CPO: variants seen among roughly 807,000 people sequenced by gnomAD.
The protein encoded by CPO is carboxypeptidase O.
A neutral mutation model predicts 41.2 loss-of-function variants in CPO; 43 were observed. The observed-to-expected ratio is 1.04, with a 90% CI of 0.82 to 1.35. The LOEUF is 1.35. Ranked by LOEUF, CPO falls within the 40% of genes most tolerant of loss-of-function variation. The pLI is 0.00. For missense variants in CPO, 408 were observed against 451.7 expected, an observed-to-expected ratio of 0.90 and a Z score of 0.88; for synonymous variants, 178 against 162.7, an observed-to-expected ratio of 1.09 and a Z score of -0.72.
intron 2 of CPO, among the ~76,000 whole-genome samples, chr2:206,951,350 T>TACACAC (rs1693259789): frequency 1.3e-5 from 2 of 152,244 alleles, no homozygotes; most frequent in South Asian, 4.1e-4. Context: ...AATTAGCTTC[T>TACACAC]ACTTATGTAC....
intron 2 of CPO, among the ~76,000 whole-genome samples, chr2:206,952,349 G>A (rs921034729): frequency 2.0e-5 from 3 of 151,976 alleles, no homozygotes; most frequent in Non-Finnish European, 4.4e-5. Context: ...TCCTGACCTC[G>A]TGATCCACCC....
chr2:206,969,234 C>A lies in CPO; in HGVS notation c.923C>A (p.Thr308Lys). Reference sequence around the variant, plus strand: ...GACATTGGGATTCCCTTCTCATATACGTTTGAGCTGAGGGACAGTGGAACA... The same window carrying A: ...GACATTGGGATTCCCTTCTCATATAAGTTTGAGCTGAGGGACAGTGGAACA... Reference protein sequence around the residue: ...ARDIGIPFSYTFELRDSGTYG... With the variant: ...ARDIGIPFSYKFELRDSGTYG... The change falls in exon 9 of 9, where the codon ACG becomes AAG. Residue 308 changes from threonine to lysine, a missense_variant. Physicochemically the swap from Thr to Lys is moderately conservative, Grantham distance 78. Coordinates refer to ENST00000272852, the MANE Select transcript of CPO (RefSeq NM_173077.3). The A allele has an allele frequency of 2.5e-6, 4 of 1,614,102 alleles. No homozygotes were observed. Among genetic ancestry groups the A allele is most frequent in the Non-Finnish European group, 3.4e-6 (4 of 1,179,960 alleles).
In CPO at chr2:206,959,501, G is replaced by A. The variant is rs1574353933; in HGVS notation, c.373-130G>A. The stretch of plus-strand genomic sequence containing the variant: ...AACAACTACTGTAATAAGACACGGA[G>A]GAGGGCTTGGGGACTGGAGGGTGGA... On this transcript the variant is annotated intron_variant, in intron 4 of 8. Coordinates refer to ENST00000272852, the MANE Select transcript of CPO (RefSeq NM_173077.3). 20 of 597,188 alleles carry A rather than the reference G, an allele frequency of 3.3e-5. No individual in the cohort carries two copies. The East Asian group carries it at 5.6e-4, about 17-fold the overall frequency. The allele number at this position is 597,188 out of a possible 1,614,324, so 37.0% of individuals were successfully genotyped here. A position where few individuals can be genotyped will look rare whatever the true frequency, so the allele number is the denominator to read the frequency against.
intron 5 of CPO, 133 bp downstream of exon 5, chr2:206,959,874 T>C (rs1243036789): frequency 1.9e-6 from 1 of 519,008 alleles, no homozygotes; most frequent in Non-Finnish European, 3.5e-6. Context: ...CCATTTGGGA[T>C]AAAAATCAGC....
At chr2:206,941,702 ACT>A (rs1408026683) in intron 1 of CPO, among the ~76,000 whole-genome samples, 2 of 152,004 alleles carry the variant, frequency 1.3e-5, no homozygotes, top group Non-Finnish European at 1.5e-5. Flanking sequence ...CTTTTATGTA[ACT>A]CTCGCCAACT....
rs146064572 is a variant in CPO at position 206,949,906 on chromosome 2, G to C, written c.165+193G>C. On this transcript the variant is annotated intron_variant, in intron 2 of 8. Transcript: ENST00000272852. ...ACCACCATTGAAGCTGTAAAAGCTG[G>C]TGATATGAAATTTTAAAAAATTAAT... is the stretch of plus-strand genomic sequence containing the variant. Among the ~76,000 whole-genome samples the C allele has an allele frequency of 5.6e-3, 859 of 152,248 alleles. 6 individuals carry two copies. Among genetic ancestry groups the C allele is most frequent in the Admixed American group, 0.01 (153 of 15,292 alleles).
Position 206,955,463 on chromosome 2 carries a change from A to G in CPO, c.166A>G (p.Ile56Val). 1 of 1,592,394 alleles carries G rather than the reference A, an allele frequency of 6.3e-7. No homozygotes were observed. The highest frequency in any genetic ancestry group is 8.6e-7 in the Non-Finnish European group (1 of 1,160,122). The stretch of plus-strand genomic sequence containing the variant: ...CCACAGTCCTCCCTTGCTGTTTCAG[A>G]TCTATGAGTGGATGAGAGAGATCAG... ...SYNIYHPMGE[I>V]YEWMREISEK... is the part of the protein sequence containing the mutation. The change falls in exon 3 of 9, where the codon ATC becomes GTC. Residue 56 changes from isoleucine (I) to valine (V), a missense_variant and splice_region_variant. By Grantham distance (29) the Ile-to-Val change is conservative. Coordinates refer to ENST00000272852, the MANE Select transcript of CPO (RefSeq NM_173077.3).
chr2:206,958,249 G>A (rs529859043), intron 3 of CPO, 52 bp from the exon 4 acceptor site: 3 of 971,896 alleles, frequency 3.1e-6, no homozygotes, highest in Non-Finnish European at 3.1e-6. Context: ...TTGCACAGTG[G>A]CTTACAATAA....
chr2:206,955,392 G>A lies in CPO; in HGVS notation c.166-71G>A, dbSNP rs13420820. On this transcript the variant is annotated intron_variant, in intron 2 of 8. Transcript: ENST00000272852. Reference sequence around the variant, plus strand: ...AGAGTTCAATGTGTCAGTGAAAGAAGCAGTTATCTTAATCAGAGGCATGCA... The same window carrying A: ...AGAGTTCAATGTGTCAGTGAAAGAAACAGTTATCTTAATCAGAGGCATGCA... 11,275 of 865,226 alleles carry A rather than the reference G, an allele frequency of 0.013. 834 individuals are homozygous for A. In the African/African-American group the frequency reaches 0.16, roughly 12 times the overall value. 53.6% of individuals were successfully genotyped at this position (865,226 alleles called of 1,614,324 possible). A position where few individuals can be genotyped will look rare whatever the true frequency, so the allele number is the denominator to read the frequency against.
At position 206,962,626 on chromosome 2, in the gene CPO, G is replaced by A; in HGVS notation, c.777+12G>A. 6.2e-7 allele frequency: 1 copy of A among 1,605,568 alleles called. No individual in the cohort carries two copies. Reference sequence around the variant, plus strand: ...ACCACCCAGAAATGGTGAGTCCATAGCACCAAGGCCTCCAGAAAAACCTCA... The same window carrying A: ...ACCACCCAGAAATGGTGAGTCCATAACACCAAGGCCTCCAGAAAAACCTCA... On this transcript the variant is annotated intron_variant, in intron 7 of 8. Transcript: ENST00000272852.
intron 1 of CPO, among the ~76,000 whole-genome samples, chr2:206,942,936 C>T (rs895261870): frequency 6.6e-6 from 1 of 152,074 alleles, no homozygotes; most frequent in Non-Finnish European, 1.5e-5. Context: ...AATCCCAGAC[C>T]ATTCACTTTT....
In CPO at chr2:206,962,399, T is replaced by C. The variant is rs1195592600; in HGVS notation, c.575-13T>C. ...ATCATGCAGCCTTCTTTGTGGTTTC[T>C]TCCATATTCTAGGTATTGGTGCCTC... On this transcript the variant is annotated splice_polypyrimidine_tract_variant and intron_variant, in intron 6 of 8. Coordinates refer to ENST00000272852, the MANE Select transcript of CPO (RefSeq NM_173077.3). The C allele has an allele frequency of 3.7e-6, 6 of 1,612,586 alleles. No individual in the cohort carries two copies. In the African/African-American group the frequency reaches 6.7e-5, roughly 18 times the overall value.
intron 7 of CPO, among the ~76,000 whole-genome samples, chr2:206,966,502 G>A (rs937638116): frequency 3.3e-5 from 5 of 152,056 alleles, no homozygotes; most frequent in Non-Finnish European, 7.4e-5. Context: ...CAGCTACCCT[G>A]AATCCTGCCC....
At chr2:206,965,144 A>G (rs965360178) in intron 7 of CPO, among the ~76,000 whole-genome samples, 20 of 152,166 alleles carry the variant, frequency 1.3e-4, no homozygotes, top group Non-Finnish European at 2.1e-4. Flanking sequence ...CAGTAAATCA[A>G]ATTGAGAAAG....
At chr2:206,949,570 A>G (rs777933880) in intron 1 of CPO, 47 bp from the exon 2 acceptor site, 1 of 1,375,858 alleles carries the variant, frequency 7.3e-7, no homozygotes, top group Admixed American at 1.7e-5. Context: ...CCCTCAGGAT[A>G]TCCCAGTTTC....
Position 206,960,781 on chromosome 2 carries a change from C to T in CPO, c.484-71C>T, listed in dbSNP as rs13419979. ...GGAAACATTTTTCATGTTCAAGGAC[C>T]ACCTATCATCACTAACACTGTGATT... On this transcript the variant is annotated intron_variant, in intron 5 of 8. Transcript: ENST00000272852. The T allele has an allele frequency of 0.01, 10,848 of 1,042,132 alleles. 721 individuals carry two copies. The African/African-American group carries it at 0.15, about 14-fold the overall frequency. 64.6% of individuals were successfully genotyped at this position (1,042,132 alleles called of 1,614,324 possible).
intron 2 of CPO, among the ~76,000 whole-genome samples, chr2:206,951,177 C>G (rs1244019902): frequency 6.6e-6 from 1 of 152,120 alleles, no homozygotes; most frequent in African/African-American, 2.4e-5. Context: ...CAACTACACC[C>G]TCTATAATCT....
chr2:206,964,874 A>G (rs1693544730), intron 7 of CPO, among the ~76,000 whole-genome samples: 2 of 152,320 alleles, frequency 1.3e-5, no homozygotes, highest in South Asian at 2.1e-4. Context: ...AGGCTAGTAT[A>G]TTCCAGTATT....
chr2:206,958,036 A>G (rs1008185685), intron 3 of CPO, among the ~76,000 whole-genome samples: 1 of 152,212 alleles, frequency 6.6e-6, no homozygotes, highest in Admixed American at 6.5e-5. Flanking sequence ...TTTAAGGTAT[A>G]GGGAAGATCA....
Sources: gnomAD v4.1 joint callset for allele counts (sites outside exome capture counted in the v4.1 genomes callset) on GRCh38, gnomAD v4.1.1 for gene constraint, MANE v1.5 for transcripts, NCBI Gene and HGNC (gene_info 2026-07-23, HGNC 2026-07-21) for gene names.